The following PTPRD variants were observed in gnomAD, a reference collection of about 807,000 sequenced individuals.
PTPRD encodes the protein protein tyrosine phosphatase receptor type D.
PTPRD carries 34 observed loss-of-function variants against 214.5 expected under a neutral mutation model. The ratio of observed to expected loss-of-function variants is 0.16; its 90% CI spans 0.12 to 0.21. PTPRD has a LOEUF of 0.21. Ranked by LOEUF, PTPRD falls within the 10% of genes least tolerant of loss-of-function variation. The pLI is 1.00. For synonymous variants in PTPRD, 1,128 were observed against 845.7 expected (o/e 1.33, Z -5.79); for missense variants, 2,545 against 2,398.7 (o/e 1.06, Z -1.27).
intron 4 of PTPRD, among the ~76,000 whole-genome samples, chr9:9,959,582 C>G (rs1246085476): frequency 6.6e-6 from 1 of 152,068 alleles, no homozygotes. Flanking sequence ...TATGAAAAAC[C>G]TCACTGAAGA....
intron 3 of PTPRD, among the ~76,000 whole-genome samples, chr9:10,260,250 C>G (rs1368945956): frequency 6.6e-6 from 1 of 152,112 alleles, no homozygotes; most frequent in African/African-American, 2.4e-5. Flanking sequence ...GGGTCAGTAC[C>G]AAATACACAG....
intron 2 of PTPRD, among the ~76,000 whole-genome samples, chr9:10,485,796 G>C (rs139809752): frequency 6.6e-6 from 1 of 151,814 alleles, no homozygotes; most frequent in African/African-American, 2.4e-5. Context: ...TGATCATATC[G>C]TTTGCAGACA....
At chr9:10,391,176 A>C (rs1294795170) in intron 2 of PTPRD, among the ~76,000 whole-genome samples, 2 of 151,804 alleles carry the variant, frequency 1.3e-5, no homozygotes, top group South Asian at 4.1e-4. Context: ...TTCTCTTTTT[A>C]GGTATCTTAA....
intron 8 of PTPRD, among the ~76,000 whole-genome samples, chr9:9,557,060 G>A (rs1007304754): frequency 1.3e-5 from 2 of 152,120 alleles, no homozygotes; most frequent in East Asian, 1.9e-4. Flanking sequence ...GAGAGATAAC[G>A]TCCATCAATG....
intron 4 of PTPRD, among the ~76,000 whole-genome samples, chr9:9,991,217 A>G (rs2095904732): frequency 6.6e-6 from 1 of 152,162 alleles, no homozygotes; most frequent in Non-Finnish European, 1.5e-5. Flanking sequence ...TACAGGCATG[A>G]GCCACCATGC....
At chr9:8,430,301 CCT>C (rs2094956407) in intron 35 of PTPRD, among the ~76,000 whole-genome samples, 1 of 151,658 alleles carries the variant, frequency 6.6e-6, no homozygotes, top group Non-Finnish European at 1.5e-5. Flanking sequence ...ACAGGGTCTC[CCT>C]CTGTCACCCA....
intron 5 of PTPRD, among the ~76,000 whole-genome samples, chr9:9,822,840 A>G (rs1429336566): frequency 1.3e-5 from 2 of 152,080 alleles, no homozygotes; most frequent in African/African-American, 2.4e-5. Flanking sequence ...GATGTGGAGA[A>G]AAGGGAATGC....
chr9:9,724,124 T>C (rs2098028602), intron 7 of PTPRD, among the ~76,000 whole-genome samples: 1 of 152,188 alleles, frequency 6.6e-6, no homozygotes, highest in Non-Finnish European at 1.5e-5. Context: ...GTTATTGTTG[T>C]AGCTAAATTC....
At chr9:8,764,776 C>T (rs569861213) in intron 11 of PTPRD, among the ~76,000 whole-genome samples, 2 of 150,136 alleles carry the variant, frequency 1.3e-5, no homozygotes, top group South Asian at 4.3e-4. Context: ...GGATGGGCAA[C>T]AGAGAGTTTG....
chr9:8,658,147 T>A (rs971853306), intron 12 of PTPRD, among the ~76,000 whole-genome samples: 2 of 152,208 alleles, frequency 1.3e-5, no homozygotes, highest in Non-Finnish European at 2.9e-5. Flanking sequence ...GACCCTAACA[T>A]GTTGCCTAAT....
At chr9:10,432,115 G>T (rs968336872) in intron 2 of PTPRD, among the ~76,000 whole-genome samples, 4 of 151,886 alleles carry the variant, frequency 2.6e-5, no homozygotes, top group Non-Finnish European at 5.9e-5. Context: ...ATAAAAAAAT[G>T]ATGAGTTCAT....
In PTPRD at chr9:8,685,967, T is replaced by C. The variant is rs181663870; in HGVS notation, c.64+47813A>G. 4.7e-4 allele frequency among the ~76,000 whole-genome samples: 71 copies of C among 152,330 alleles called. No individual in the cohort carries two copies. The South Asian group carries it at 0.012, about 26-fold the overall frequency. ...AGTTTCAGCTGCTTTCAGCGGCTCATTTTGAGAAACATCTGTCCAGTCTGG... is the reference window on the plus strand; with the variant it reads ...AGTTTCAGCTGCTTTCAGCGGCTCACTTTGAGAAACATCTGTCCAGTCTGG... On this transcript the variant is annotated intron_variant, in intron 12 of 45. Transcript: ENST00000381196.
intron 8 of PTPRD, among the ~76,000 whole-genome samples, chr9:9,482,173 G>T (rs941824081): frequency 1.1e-4 from 16 of 151,890 alleles, no homozygotes; most frequent in African/African-American, 3.4e-4. Context: ...GAGAGGTGGG[G>T]TGCTGGAAAT....
intron 2 of PTPRD, among the ~76,000 whole-genome samples, chr9:10,442,321 G>T (rs1329785879): frequency 6.6e-6 from 1 of 151,664 alleles, no homozygotes; most frequent in East Asian, 1.9e-4. Context: ...AAGTAGAAAA[G>T]ATTTCTGAAT....
At chr9:8,659,925 TAG>T (rs148879043) in intron 12 of PTPRD, among the ~76,000 whole-genome samples, 16 of 150,488 alleles carry the variant, frequency 1.1e-4, no homozygotes, top group East Asian at 1.9e-4. Context: ...AGAATAAATG[TAG>T]AGAGAGAGAG....
intron 7 of PTPRD, among the ~76,000 whole-genome samples, chr9:9,589,592 G>C (rs1434357071): frequency 1.3e-5 from 2 of 151,916 alleles, no homozygotes; most frequent in Non-Finnish European, 2.9e-5. Flanking sequence ...AACAGCATTA[G>C]ATAACTTTTG....
intron 11 of PTPRD, among the ~76,000 whole-genome samples, chr9:8,768,872 T>C (rs2094967215): frequency 6.6e-6 from 1 of 152,200 alleles, no homozygotes; most frequent in Non-Finnish European, 1.5e-5. Context: ...TGAATAATCA[T>C]TAAACAGTTT....
chr9:9,560,727 C>T (rs914074757), intron 8 of PTPRD, among the ~76,000 whole-genome samples: 8 of 152,162 alleles, frequency 5.3e-5, no homozygotes, highest in South Asian at 2.1e-4. Context: ...ACTCTGGGGC[C>T]GTGGGCAGGT....
intron 2 of PTPRD, among the ~76,000 whole-genome samples, chr9:10,403,353 TAA>T (rs1279096808): frequency 6.7e-6 from 1 of 149,282 alleles, no homozygotes; most frequent in Non-Finnish European, 1.5e-5. Context: ...ACAGAAAGGA[TAA>T]GTTAAACCAT....
Sources: allele counts gnomAD v4.1 joint callset (sites outside exome capture counted in the v4.1 genomes callset), GRCh38; gene constraint gnomAD v4.1.1; transcripts MANE v1.5; gene names NCBI Gene and HGNC (gene_info 2026-07-23, HGNC 2026-07-21).